Variants in SPATC1 observed in about 807,000 individuals in gnomAD.
SPATC1 encodes speriolin.
In SPATC1, 35 loss-of-function variants were observed where a neutral mutation model predicts 36.5. The observed-to-expected ratio is 0.96, with a 90% CI of 0.73 to 1.27. SPATC1 has a LOEUF of 1.27. Among genes scored for constraint, SPATC1 ranks in the 50% most tolerant of loss-of-function variants. SPATC1 has a pLI of 0.00. For missense variants in SPATC1, 779 were observed against 796.0 expected (o/e 0.98, Z 0.26); for synonymous variants, 361 against 353.6 (o/e 1.02, Z -0.24).
In SPATC1 at chr8:144,040,766, T is replaced by TCC; in HGVS notation, c.968_969dup (p.Thr324ProfsTer93). 3 of 1,601,884 alleles carry TCC rather than the reference T, an allele frequency of 1.9e-6. No homozygotes were observed. The highest frequency in any genetic ancestry group is 2.6e-6 in the Non-Finnish European group (3 of 1,175,082). ...CAGGAACAAGTGGTCCCTGCATCTG[T>TCC]CCCCACCTCCCCCACCACCTCCCCC... On this transcript the variant is annotated frameshift_variant, in exon 3 of 5. Transcript: ENST00000377470. LOFTEE classifies it high-confidence loss of function.
chr8:144,016,519 G>A lies in SPATC1; in HGVS notation c.211+3793G>A, dbSNP rs531090875. On this transcript the variant is annotated intron_variant, in intron 1 of 4. Coordinates refer to ENST00000377470, the MANE Select transcript of SPATC1 (RefSeq NM_198572.3). The surrounding 1 kb of genome is among the most constrained non-coding windows in gnomAD (Gnocchi z 4.5). ...CAGGGAGAGGTGAAAAATGCAGCTAGAGGCATCAGATCACCAAGGACTGCG... is the reference window on the plus strand; with the variant it reads ...CAGGGAGAGGTGAAAAATGCAGCTAAAGGCATCAGATCACCAAGGACTGCG... Among the ~76,000 whole-genome samples the A allele has an allele frequency of 1.3e-5, 2 of 152,238 alleles. No individual in the cohort carries two copies. Among genetic ancestry groups the A allele is most frequent in the South Asian group, 4.1e-4 (2 of 4,824 alleles).
intron 1 of SPATC1, among the ~76,000 whole-genome samples, chr8:144,036,376 G>A (rs1346338613): frequency 3.3e-5 from 5 of 152,178 alleles, no homozygotes; most frequent in Admixed American, 6.5e-5. Context: ...TCAGACTGGA[G>A]TGCAGTAGCA....
In SPATC1 at chr8:144,013,646, G is replaced by C. The variant is rs1324011753; in HGVS notation, c.211+920G>C. On this transcript the variant is annotated intron_variant, in intron 1 of 4. Transcript: ENST00000377470. ...TACCCCTAATGACACAGAGACAACAGAGAGGGTAAAAAGAATAATACACAT... is the reference window on the plus strand; with the variant it reads ...TACCCCTAATGACACAGAGACAACACAGAGGGTAAAAAGAATAATACACAT... Among the ~76,000 whole-genome samples the C allele has an allele frequency of 2.6e-5, 4 of 152,156 alleles. No homozygotes were observed. The East Asian group carries it at 7.7e-4, about 29-fold the overall frequency.
rs1322434758 is a variant in SPATC1, at chr8:144,046,565, C to T, written c.1447-62C>T. 5 of 1,504,132 alleles carry T rather than the reference C, an allele frequency of 3.3e-6. No homozygotes were observed. In the African/African-American group the frequency reaches 4.1e-5, roughly 12 times the overall value. The allele number at this position is 1,504,132 out of a possible 1,614,324, so 93.2% of individuals were successfully genotyped here. On this transcript the variant is annotated intron_variant, in intron 4 of 4. Coordinates refer to ENST00000377470, the MANE Select transcript of SPATC1 (RefSeq NM_198572.3). This position sits in a 1 kb window ranked among gnomAD's most constrained non-coding sequence, Gnocchi z 6.6. The stretch of plus-strand genomic sequence containing the variant: ...GCCTCACCTGCCCCTCGGTCTTCCC[C>T]TTACCTGCCTGTGTGTGGAGGTGTG...
At position 144,041,029 on chromosome 8, in the gene SPATC1, C is replaced by T; in HGVS notation, c.1228C>T (p.Pro410Ser). The change falls in exon 3 of 5, where the codon CCG becomes TCG. Residue 410 changes from proline to serine, a missense_variant. Coordinates refer to ENST00000377470, the MANE Select transcript of SPATC1 (RefSeq NM_198572.3). ...NDSRGPRTTE[P>S]STKSMMEVER... is the part of the protein sequence containing the mutation. ...CTCTCGAGGTCCACGCACCACAGAA[C>T]CGTCGACGAAGAGCATGATGGAGGT... 2 of 1,611,580 alleles carry T rather than the reference C, an allele frequency of 1.2e-6. No homozygotes were observed. The highest frequency in any genetic ancestry group is 1.7e-6 in the Non-Finnish European group (2 of 1,179,438).
At chr8:144,030,950 T>C (rs1834781059) in intron 1 of SPATC1, among the ~76,000 whole-genome samples, 1 of 152,212 alleles carries the variant, frequency 6.6e-6, no homozygotes, top group African/African-American at 2.4e-5. Flanking sequence ...TATGTTATTA[T>C]TGTCACAAGT....
chr8:144,040,559 C>T lies in SPATC1; in HGVS notation c.767-9C>T, dbSNP rs1465369461. 1.3e-6 allele frequency: 2 copies of T among 1,577,648 alleles called. No individual in the cohort carries two copies. The highest frequency in any genetic ancestry group is 2.7e-5 in the African/African-American group (2 of 73,750). ...CCTTTTTTTATTTCTGTTCCCTCCA[C>T]ATCACTAGTCCCACTCTCCACTGAG... is the stretch of plus-strand genomic sequence containing the variant. On this transcript the variant is annotated splice_polypyrimidine_tract_variant and intron_variant, in intron 2 of 4. Transcript: ENST00000377470.
chr8:144,024,497 C>A lies in SPATC1; in HGVS notation c.211+11771C>A, dbSNP rs1420925110. Among the ~76,000 whole-genome samples the A allele has an allele frequency of 1.9e-3, 266 of 142,408 alleles. 3 individuals carry two copies. Among genetic ancestry groups the A allele is most frequent in the Non-Finnish European group, 5.6e-4 (36 of 64,782 alleles). 93.4% of individuals were successfully genotyped at this position (142,408 alleles called of 152,430 possible). ...TCTCCCCTTGAAACTCCCCTCAGGA[C>A]CCCCCTTGGGATCCTCTCCCCTCAA... On this transcript the variant is annotated intron_variant, in intron 1 of 4. Coordinates refer to ENST00000377470, the MANE Select transcript of SPATC1 (RefSeq NM_198572.3).
chr8:144,039,978 T>G lies in SPATC1; in HGVS notation c.281T>G (p.Leu94Trp). 6.2e-7 allele frequency: 1 copy of G among 1,613,934 alleles called. No individual in the cohort carries two copies. The highest frequency in any genetic ancestry group is 8.5e-7 in the Non-Finnish European group (1 of 1,179,982). The stretch of plus-strand genomic sequence containing the variant: ...CTCGAAGAAGTGGGGATCATGGCCT[T>G]GGCACCCCTGGCCGAGATGCTAACC... ...RVLEEVGIMALAPLAEMLTSL... is the reference protein window; with the variant it reads ...RVLEEVGIMAWAPLAEMLTSL... Residue 94 changes from leucine (L) to tryptophan (W), a missense_variant, in exon 2 of 5, where the codon TTG becomes TGG. Transcript: ENST00000377470.
rs1167819901 is a variant in SPATC1, at chr8:144,046,060, G to A, written c.1447-567G>A. Reference sequence around the variant, plus strand: ...GATGGAGACAGGCCCCTCAGCGCTGGGGCCAACACTTGCCTGGGGTTGTCA... The same window carrying A: ...GATGGAGACAGGCCCCTCAGCGCTGAGGCCAACACTTGCCTGGGGTTGTCA... On this transcript the variant is annotated intron_variant, in intron 4 of 4. Coordinates refer to ENST00000377470, the MANE Select transcript of SPATC1 (RefSeq NM_198572.3). The surrounding 1 kb of genome is among the most constrained non-coding windows in gnomAD (Gnocchi z 6.6). 6.6e-6 allele frequency among the ~76,000 whole-genome samples: 1 copy of A among 152,168 alleles called. No homozygotes were observed. Among genetic ancestry groups the A allele is most frequent in the Non-Finnish European group, 1.5e-5 (1 of 68,018 alleles).
chr8:144,041,343 T>C lies in SPATC1; in HGVS notation c.1418T>C (p.Val473Ala), dbSNP rs1835094060. ...CGCGTACGGCTCTACGGCTTCACTG[T>C]CTCCAACATCCCAGAGAAGATCATC... ...PERVRLYGFT[V>A]SNIPEKIIQA... is the part of the protein sequence containing the mutation. The change falls in exon 4 of 5, where the codon GTC (valine) becomes GCC (alanine). Residue 473 changes from valine to alanine, a missense_variant. Transcript: ENST00000377470. 6.2e-7 allele frequency: 1 copy of C among 1,611,538 alleles called. No homozygotes were observed. Among genetic ancestry groups the C allele is most frequent in the Non-Finnish European group, 8.5e-7 (1 of 1,180,014 alleles).
chr8:144,028,075 A>G (rs1304364119), intron 1 of SPATC1, among the ~76,000 whole-genome samples: 2 of 152,188 alleles, frequency 1.3e-5, no homozygotes, highest in African/African-American at 4.8e-5. Flanking sequence ...TAAATACTTA[A>G]ATGTAAAACC....
Position 144,016,705 on chromosome 8 carries a change from G to A in SPATC1, c.211+3979G>A, listed in dbSNP as rs1275549902. ...GGCTGGAGTGCAATGGCGCAATCTC[G>A]GCTCACCGCAACCTCCACCTCCCGA... On this transcript the variant is annotated intron_variant, in intron 1 of 4. Transcript: ENST00000377470. The surrounding 1 kb of genome is among the most constrained non-coding windows in gnomAD (Gnocchi z 4.5). Among the ~76,000 whole-genome samples, 1 of 152,010 alleles carries A rather than the reference G, an allele frequency of 6.6e-6. No homozygotes were observed. Among genetic ancestry groups the A allele is most frequent in the Non-Finnish European group, 1.5e-5 (1 of 68,012 alleles).
At chr8:144,012,780 G>A (rs1286271998) in intron 1 of SPATC1, 54 bp downstream of exon 1, 4 of 1,535,318 alleles carry the variant, frequency 2.6e-6, no homozygotes, top group African/African-American at 1.4e-5. Context: ...CTGCACCAGA[G>A]AGGAGAGACT....
chr8:144,038,076 C>T (rs187656991), intron 1 of SPATC1, among the ~76,000 whole-genome samples: 10 of 150,226 alleles, frequency 6.7e-5, no homozygotes, highest in African/African-American at 1.7e-4. Context: ...TTCAGTGAGC[C>T]GAGATCGCAC....
At chr8:144,022,865 A>G (rs1315445371) in intron 1 of SPATC1, among the ~76,000 whole-genome samples, 5 of 150,560 alleles carry the variant, frequency 3.3e-5, no homozygotes, top group Non-Finnish European at 5.9e-5. Context: ...TCTCCTCAGG[A>G]CCATATCGCC....
At chr8:144,026,515 G>C (rs1291525016) in intron 1 of SPATC1, among the ~76,000 whole-genome samples, 5 of 152,102 alleles carry the variant, frequency 3.3e-5, no homozygotes. Flanking sequence ...AACTGTTTAA[G>C]GAACTGCCAG....
In SPATC1 at chr8:144,041,078, A is replaced by G. The variant is rs1835082002; in HGVS notation, c.1277A>G (p.Lys426Arg). 1.3e-6 allele frequency: 2 copies of G among 1,589,546 alleles called. No homozygotes were observed. The highest frequency in any genetic ancestry group is 1.7e-6 in the Non-Finnish European group (2 of 1,166,056). Residue 426 changes from lysine to arginine, a missense_variant, in exon 3 of 5, where the codon AAG becomes AGG. Physicochemically the swap from Lys to Arg is conservative, Grantham distance 26. Coordinates refer to ENST00000377470, the MANE Select transcript of SPATC1 (RefSeq NM_198572.3). Reference sequence around the variant, plus strand: ...GTGGAACGGAAGCTGGCCCACCGCAAGACCAGCAAGTTCCCCGAGAACCCC... The same window carrying G: ...GTGGAACGGAAGCTGGCCCACCGCAGGACCAGCAAGTTCCCCGAGAACCCC... ...MEVERKLAHR[K>R]TSKFPENPRE...
intron 1 of SPATC1, among the ~76,000 whole-genome samples, chr8:144,034,489 G>A (rs1834859345): frequency 6.6e-6 from 1 of 150,810 alleles, no homozygotes; most frequent in Non-Finnish European, 1.5e-5. Flanking sequence ...ATTTTAGAAT[G>A]TACATGAAAA....
Sources: allele counts gnomAD v4.1 joint callset (sites outside exome capture counted in the v4.1 genomes callset), GRCh38; gene constraint gnomAD v4.1.1; non-coding constraint Gnocchi (gnomAD v3.1); transcripts MANE v1.5; gene names NCBI Gene and HGNC (gene_info 2026-07-23, HGNC 2026-07-21).